The following HS3ST4 variants were observed in gnomAD, a reference collection of about 807,000 sequenced individuals.
The protein encoded by HS3ST4 is heparan sulfate-glucosamine 3-sulfotransferase 4.
Under a neutral mutation model 29.2 loss-of-function variants are expected in HS3ST4, and 17 were observed. That is an observed-to-expected ratio of 0.58 (90% CI 0.40 to 0.87). The LOEUF (loss-of-function observed/expected upper bound fraction) is 0.87, where lower values mean the gene tolerates loss of function less well. Ranked by LOEUF, HS3ST4 falls within the 40% of genes least tolerant of loss-of-function variation. The pLI, the probability that HS3ST4 is intolerant of heterozygous loss-of-function variation, is 0.00. For missense variants in HS3ST4, 627 were observed against 634.5 expected (o/e 0.99, Z 0.13); for synonymous variants, 314 against 285.7 (o/e 1.10, Z -1.00).
At chr16:26,002,381 T>C (rs982700173) in intron 1 of HS3ST4, among the ~76,000 whole-genome samples, 6 of 152,116 alleles carry the variant, frequency 3.9e-5, no homozygotes, top group African/African-American at 1.4e-4. Flanking sequence ...ACAATAGATA[T>C]TCACAGTGGA....
At chr16:25,785,328 C>T (rs1041903687) in intron 1 of HS3ST4, among the ~76,000 whole-genome samples, 1 of 152,138 alleles carries the variant, frequency 6.6e-6, no homozygotes, top group African/African-American at 2.4e-5. Context: ...GGTCACTCAG[C>T]TAGAGATGAG....
intron 1 of HS3ST4, among the ~76,000 whole-genome samples, chr16:25,841,943 G>A (rs747629211): frequency 5.9e-5 from 9 of 152,232 alleles, no homozygotes; most frequent in African/African-American, 9.6e-5. Flanking sequence ...TGTAATGGCC[G>A]TAGAAGGAGT....
intron 1 of HS3ST4, among the ~76,000 whole-genome samples, chr16:25,863,638 T>C (rs1398244890): frequency 6.6e-6 from 1 of 152,240 alleles, no homozygotes; most frequent in Non-Finnish European, 1.5e-5. Flanking sequence ...AGGACACTTA[T>C]TAGAAATGTG....
intron 1 of HS3ST4, among the ~76,000 whole-genome samples, chr16:25,742,502 A>G (rs188418775): frequency 1.3e-4 from 20 of 152,368 alleles, no homozygotes; most frequent in Non-Finnish European, 2.9e-5. Flanking sequence ...ATGCCAGGGT[A>G]AATACAGGGT....
chr16:26,060,078 T>C (rs1898457336), intron 1 of HS3ST4, among the ~76,000 whole-genome samples: 1 of 152,152 alleles, frequency 6.6e-6, no homozygotes. Context: ...GCGCCCAGCC[T>C]ATTACTATTA....
chr16:25,803,828 C>A (rs1966963950), intron 1 of HS3ST4, among the ~76,000 whole-genome samples: 1 of 152,190 alleles, frequency 6.6e-6, no homozygotes, highest in South Asian at 2.1e-4. Context: ...GGTTTGTGAT[C>A]AGCACCCCTG....
chr16:26,032,716 A>T, intron 1 of HS3ST4: 6 of 1,138,862 alleles, frequency 5.3e-6, no homozygotes, highest in Non-Finnish European at 8.0e-6. Context: ...TTGGAGGAGC[A>T]GGTTTAGCAG....
chr16:25,917,840 T>C (rs1010038327), intron 1 of HS3ST4, among the ~76,000 whole-genome samples: 3 of 152,190 alleles, frequency 2.0e-5, no homozygotes, highest in Non-Finnish European at 4.4e-5. Context: ...CTTCAAGCAA[T>C]AAGCATCACC....
intron 1 of HS3ST4, among the ~76,000 whole-genome samples, chr16:25,725,880 T>G (rs927213078): frequency 1.3e-5 from 2 of 152,148 alleles, no homozygotes; most frequent in Admixed American, 1.3e-4. Context: ...CATAGAATAT[T>G]GTCATAGTCT....
chr16:25,841,598 C>A (rs4787769), intron 1 of HS3ST4, among the ~76,000 whole-genome samples: 51,654 of 151,904 alleles, frequency 0.34, 9,470 homozygotes, highest in Admixed American at 0.4. Flanking sequence ...ATTTAATTTT[C>A]ATATTTATTT....
At chr16:25,782,982 G>A (rs567371323) in intron 1 of HS3ST4, among the ~76,000 whole-genome samples, 2 of 151,776 alleles carry the variant, frequency 1.3e-5, no homozygotes, top group Non-Finnish European at 2.9e-5. Context: ...CATTGTAATC[G>A]GCATCTTCTT....
At chr16:25,765,085 T>C (rs1433899386) in intron 1 of HS3ST4, among the ~76,000 whole-genome samples, 1 of 152,178 alleles carries the variant, frequency 6.6e-6, no homozygotes, top group African/African-American at 2.4e-5. Context: ...CATTGGAGCA[T>C]GGCGGAGGGA....
intron 1 of HS3ST4, among the ~76,000 whole-genome samples, chr16:25,977,378 T>C (rs1968954375): frequency 6.6e-6 from 1 of 152,190 alleles, no homozygotes; most frequent in Admixed American, 6.5e-5. Context: ...ACTGAAACCC[T>C]TTTAGTTCTC....
At chr16:26,130,932 T>G (rs1434138441) in intron 1 of HS3ST4, among the ~76,000 whole-genome samples, 3 of 152,240 alleles carry the variant, frequency 2.0e-5, no homozygotes, top group Non-Finnish European at 4.4e-5. Flanking sequence ...TATCTCATAT[T>G]ACAAGTCTGA....
At chr16:25,845,530 A>G (rs985370415) in intron 1 of HS3ST4, among the ~76,000 whole-genome samples, 15 of 152,106 alleles carry the variant, frequency 9.9e-5, no homozygotes, top group Admixed American at 6.5e-5. Flanking sequence ...AACAAATGTA[A>G]GAATCTAAGA....
intron 1 of HS3ST4, among the ~76,000 whole-genome samples, chr16:25,729,304 T>A (rs898823066): frequency 3.9e-5 from 6 of 152,180 alleles, no homozygotes; most frequent in African/African-American, 1.4e-4. Context: ...GAAAATCTTG[T>A]GGTTTCCTGC....
intron 1 of HS3ST4, among the ~76,000 whole-genome samples, chr16:25,722,203 C>T (rs1966501899): frequency 6.6e-6 from 1 of 152,168 alleles, no homozygotes; most frequent in African/African-American, 2.4e-5. Context: ...AATTAACTTG[C>T]TACCTTGTGT....
At chr16:25,910,869 A>T (rs1288237176) in intron 1 of HS3ST4, among the ~76,000 whole-genome samples, 1 of 152,118 alleles carries the variant, frequency 6.6e-6, no homozygotes, top group African/African-American at 2.4e-5. Context: ...GGGACAGCCT[A>T]GGAAGGAGTA....
chr16:26,036,485 C>A (rs1969584619), intron 1 of HS3ST4, among the ~76,000 whole-genome samples: 1 of 152,188 alleles, frequency 6.6e-6, no homozygotes. Context: ...TGTATCAGAT[C>A]TCCTGGTGTT....
Sources: allele counts gnomAD v4.1 joint callset (sites outside exome capture counted in the v4.1 genomes callset), GRCh38; gene constraint gnomAD v4.1.1; transcripts MANE v1.5; gene names NCBI Gene and HGNC (gene_info 2026-07-23, HGNC 2026-07-21).